SV2B: variants seen among roughly 807,000 people sequenced by gnomAD.
The protein encoded by SV2B is synaptic vesicle glycoprotein 2B.
Under a neutral mutation model 73.9 loss-of-function variants are expected in SV2B, and 41 were observed. The ratio of observed to expected loss-of-function variants is 0.56; its 90% CI spans 0.43 to 0.72. SV2B has a LOEUF of 0.72. Among genes scored for constraint, SV2B ranks in the 30% least tolerant of loss-of-function variants. SV2B has a pLI of 0.00. For synonymous variants in SV2B, 314 were observed against 314.2 expected (o/e 1.00, Z 0.01); for missense variants, 764 against 857.8 (o/e 0.89, Z 1.37).
rs777808858 is a variant in SV2B at position 91,268,003 on chromosome 15, A to G, written c.1208+360A>G. Among the ~76,000 whole-genome samples, 2 of 152,132 alleles carry G rather than the reference A, an allele frequency of 1.3e-5. No homozygotes were observed. Among genetic ancestry groups the G allele is most frequent in the African/African-American group, 2.4e-5 (1 of 41,430 alleles). ...TTTTTAGTAGAGATGGGGTTTTGCC[A>G]TCTTGGCCAGGATGGTCTTGAATTC... On this transcript the variant is annotated intron_variant, in intron 8 of 12. Transcript: ENST00000394232. The surrounding 1 kb of genome is among the most constrained non-coding windows in gnomAD (Gnocchi z 4.4).
At chr15:91,216,690 C>T (rs1276900390) in intron 1 of SV2B, among the ~76,000 whole-genome samples, 2 of 151,442 alleles carry the variant, frequency 1.3e-5, no homozygotes, top group East Asian at 1.9e-4. Context: ...AGGCTGGTCT[C>T]GAACTTCCAA....
At chr15:91,256,013 A>C (rs2047675591) in intron 4 of SV2B, among the ~76,000 whole-genome samples, 1 of 152,222 alleles carries the variant, frequency 6.6e-6, no homozygotes, top group South Asian at 2.1e-4. Flanking sequence ...AAGTCTTGGC[A>C]CCAGGAATTT....
chr15:91,209,212 C>T (rs750010156), intron 1 of SV2B, among the ~76,000 whole-genome samples: 1 of 149,278 alleles, frequency 6.7e-6, no homozygotes, highest in African/African-American at 2.5e-5. Context: ...ACCTCTGCCT[C>T]CCAGGTTCAA....
At chr15:91,235,791 T>C (rs559727635) in intron 2 of SV2B, among the ~76,000 whole-genome samples, 34 of 152,278 alleles carry the variant, frequency 2.2e-4, no homozygotes, top group African/African-American at 7.5e-4. Flanking sequence ...AGTTTCTGAG[T>C]TATTGGATTT....
At chr15:91,138,622 A>T (rs562095964) in intron 1 of SV2B, among the ~76,000 whole-genome samples, 1 of 152,302 alleles carries the variant, frequency 6.6e-6, no homozygotes, top group East Asian at 1.9e-4. Flanking sequence ...TCTTGTAATT[A>T]TTCCCAAAAC....
intron 2 of SV2B, among the ~76,000 whole-genome samples, chr15:91,251,252 A>C (rs1413829138): frequency 6.6e-6 from 1 of 152,262 alleles, no homozygotes; most frequent in East Asian, 1.9e-4. Flanking sequence ...TATTACATGC[A>C]GAAGAATGAA....
intron 1 of SV2B, among the ~76,000 whole-genome samples, chr15:91,195,771 T>G (rs1037442084): frequency 1.3e-5 from 2 of 152,198 alleles, no homozygotes; most frequent in African/African-American, 4.8e-5. Context: ...TATAGGTTGG[T>G]GAGCCAGTTA....
chr15:91,281,930 A>G lies in SV2B; in HGVS notation c.1507+69A>G, dbSNP rs537593850. The G allele has an allele frequency of 3.7e-5, 56 of 1,508,538 alleles. No homozygotes were observed. The East Asian group carries it at 1.2e-3, about 32-fold the overall frequency. The allele number at this position is 1,508,538 out of a possible 1,614,324, so 93.4% of individuals were successfully genotyped here. The stretch of plus-strand genomic sequence containing the variant: ...CAACTTGTGTTGTCCAAGAATCAAA[A>G]TGGTCAGGCATAAACTTTAGGAGTA... On this transcript the variant is annotated intron_variant, in intron 10 of 12. Coordinates refer to ENST00000394232, the MANE Select transcript of SV2B (RefSeq NM_001323032.3). This position sits in a 1 kb window ranked among gnomAD's most constrained non-coding sequence, Gnocchi z 4.7.
At position 91,273,436 on chromosome 15, in the gene SV2B, G is replaced by T. The variant is rs552126677; in HGVS notation, c.1373+4831G>T. Among the ~76,000 whole-genome samples the T allele has an allele frequency of 2.0e-5, 3 of 152,338 alleles. No homozygotes were observed. The East Asian group carries it at 5.8e-4, about 29-fold the overall frequency. On this transcript the variant is annotated intron_variant, in intron 9 of 12. Transcript: ENST00000394232. ...TGTAGCTTACTCCAGGTCCTGCATG[G>T]TTCTTGTGGAGCATCTTGGATAGTT...
chr15:91,262,247 ACAC>A (rs981682027), intron 6 of SV2B, among the ~76,000 whole-genome samples: 10 of 152,162 alleles, frequency 6.6e-5, no homozygotes, highest in Admixed American at 2.0e-4. Context: ...ATTAAGTAAA[ACAC>A]CAAAAAACAA....
At chr15:91,173,226 G>A (rs1052048599) in intron 1 of SV2B, among the ~76,000 whole-genome samples, 2 of 152,142 alleles carry the variant, frequency 1.3e-5, no homozygotes, top group East Asian at 1.9e-4. Flanking sequence ...AGGTACGAGC[G>A]CGGTGTGTCT....
rs1354826556 is a variant in SV2B, at chr15:91,141,857, A to G, written c.-392+41494A>G. Among the ~76,000 whole-genome samples, 2 of 151,974 alleles carry G rather than the reference A, an allele frequency of 1.3e-5. No homozygotes were observed. The highest frequency in any genetic ancestry group is 6.6e-5 in the Admixed American group (1 of 15,254). ...GCTGTACCTGAAAGGGTGTATGTTT[A>G]AAAGACTGACACTGTCGGACGGGAA... On this transcript the variant is annotated intron_variant, in intron 1 of 12. Coordinates refer to ENST00000394232, the MANE Select transcript of SV2B (RefSeq NM_001323032.3). This position sits in a 1 kb window ranked among gnomAD's most constrained non-coding sequence, Gnocchi z 4.6.
intron 9 of SV2B, among the ~76,000 whole-genome samples, chr15:91,272,614 T>C (rs2048350988): frequency 1.3e-5 from 2 of 152,072 alleles, no homozygotes; most frequent in Admixed American, 6.6e-5. Flanking sequence ...CTTGAGTTTT[T>C]AGTAAAGGTC....
intron 1 of SV2B, among the ~76,000 whole-genome samples, chr15:91,213,994 A>G (rs1305671348): frequency 1.3e-5 from 2 of 152,224 alleles, no homozygotes; most frequent in Non-Finnish European, 2.9e-5. Context: ...ATTCAGTGTT[A>G]TTGAATGGTA....
intron 1 of SV2B, among the ~76,000 whole-genome samples, chr15:91,182,391 G>T: frequency 6.6e-6 from 1 of 152,304 alleles, no homozygotes; most frequent in East Asian, 1.9e-4. Flanking sequence ...ATGCACGCAT[G>T]CATGAATAAC....
Position 91,128,271 on chromosome 15 carries a change from G to A in SV2B, c.-392+27908G>A, listed in dbSNP as rs1221247082. ...AGGCTGTTCTCCAAGAAGGTGGGAT[G>A]GGAGAGCAGGAGGAGGTGTCAGAAT... On this transcript the variant is annotated intron_variant, in intron 1 of 12. Transcript: ENST00000394232. The surrounding 1 kb of genome is among the most constrained non-coding windows in gnomAD (Gnocchi z 4.2). 6.6e-6 allele frequency among the ~76,000 whole-genome samples: 1 copy of A among 152,062 alleles called. No homozygotes were observed. Among genetic ancestry groups the A allele is most frequent in the African/African-American group, 2.4e-5 (1 of 41,386 alleles).
chr15:91,296,712 G>A lies in SV2B; in HGVS notation c.*4160G>A, dbSNP rs1215194310. On this transcript the variant is annotated 3_prime_UTR_variant, in exon 13 of 13. Transcript: ENST00000394232. ...GAGCACACTCCTTCTGCCTGATCAT[G>A]GGCACACGCTCCTTCTGCCCGATCA... is the stretch of plus-strand genomic sequence containing the variant. 6.9e-6 allele frequency: 1 copy of A among 145,672 alleles called. No individual in the cohort carries two copies. Among genetic ancestry groups the A allele is most frequent in the African/African-American group, 2.7e-5 (1 of 37,672 alleles). 9.0% of individuals were successfully genotyped at this position (145,672 alleles called of 1,614,324 possible).
chr15:91,164,106 C>T (rs558788776), intron 1 of SV2B, among the ~76,000 whole-genome samples: 3 of 152,142 alleles, frequency 2.0e-5, no homozygotes, highest in African/African-American at 4.8e-5. Context: ...GGGCTCTGTT[C>T]TGTTTCATTG....
intron 1 of SV2B, among the ~76,000 whole-genome samples, chr15:91,216,039 A>C (rs2046013825): frequency 1.3e-5 from 2 of 152,238 alleles, no homozygotes; most frequent in Admixed American, 1.3e-4. Flanking sequence ...CTGTTTTAAC[A>C]AAATAGAAAA....
Sources: gnomAD v4.1 joint callset for allele counts (sites outside exome capture counted in the v4.1 genomes callset) on GRCh38, gnomAD v4.1.1 for gene constraint, Gnocchi (gnomAD v3.1) non-coding constraint, MANE v1.5 for transcripts, NCBI Gene and HGNC (gene_info 2026-07-23, HGNC 2026-07-21) for gene names.